The following SEMA3A variants were observed in gnomAD, a reference collection of about 807,000 sequenced individuals.
SEMA3A encodes semaphorin 3A.
In SEMA3A, 29 loss-of-function variants were observed where a neutral mutation model predicts 97.9. That is an observed-to-expected ratio of 0.30 (90% CI 0.22 to 0.40). SEMA3A has a LOEUF of 0.40. SEMA3A is among the 10% of genes least tolerant of loss of function. SEMA3A has a pLI of 1.00. For synonymous variants in SEMA3A, 321 were observed against 323.7 expected (o/e 0.99, Z 0.09); for missense variants, 763 against 951.3 (o/e 0.80, Z 2.60).
In SEMA3A at chr7:84,046,390, T is replaced by G. The variant is rs1312971142; in HGVS notation, c.601A>C (p.Ile201Leu). The G allele has an allele frequency of 1.9e-6, 3 of 1,613,256 alleles. No homozygotes were observed. In the East Asian group the frequency reaches 6.7e-5, roughly 36 times the overall value. ...TGGTGGTGCCCAAGAGTTCGGAAGA[T>G]AGCAAAGTCTCGCCCCATAAAATCA... ...AADFMGRDFA[I>L]FRTLGHHHPI... The change falls in exon 6 of 17, where the codon ATC becomes CTC. Residue 201 changes from isoleucine (I) to leucine (L), a missense_variant. Physicochemically the swap from Ile to Leu is conservative, Grantham distance 5 (BLOSUM62 2). Transcript: ENST00000265362.
intron 3 of SEMA3A, among the ~76,000 whole-genome samples, chr7:84,213,121 G>A (rs990842545): frequency 1.1e-4 from 16 of 152,136 alleles, no homozygotes; most frequent in Admixed American, 4.6e-4. Context: ...GGGATTACAG[G>A]CATGTGCCAC....
intron 1 of SEMA3A, among the ~76,000 whole-genome samples, chr7:84,146,294 T>C (rs1796461097): frequency 1.3e-5 from 2 of 152,112 alleles, no homozygotes; most frequent in Admixed American, 1.3e-4. Context: ...TCTAGAGGGA[T>C]CTTTAGACTG....
chr7:84,184,213 C>A (rs1313135990), intron 1 of SEMA3A, among the ~76,000 whole-genome samples: 3 of 152,054 alleles, frequency 2.0e-5, no homozygotes, highest in Non-Finnish European at 2.9e-5. Flanking sequence ...CATTTAGTCT[C>A]ATTTTGTTAT....
At chr7:84,139,487 G>C (rs892869734) in intron 1 of SEMA3A, among the ~76,000 whole-genome samples, 2 of 152,018 alleles carry the variant, frequency 1.3e-5, no homozygotes, top group African/African-American at 4.8e-5. Context: ...ATTCACCAAA[G>C]GATTTAGTGT....
Position 84,379,225 on chromosome 7 carries a change from C to A in SEMA3A, c.-245-7325G>T, listed in dbSNP as rs144371334. Among the ~76,000 whole-genome samples, 389 of 152,186 alleles carry A rather than the reference C, an allele frequency of 2.6e-3. 3 individuals are homozygous for A. The highest frequency in any genetic ancestry group is 0.024 in the Middle Eastern group (7 of 294). On this transcript the variant is annotated intron_variant, in intron 1 of 3. Coordinates refer to the SEMA3A transcript ENST00000424555. ...TACAGGTGTGAGCCACCGTGCCCAG[C>A]CGTGACAATATTTTTAATTATTTAT...
intron 4 of SEMA3A, among the ~76,000 whole-genome samples, chr7:84,077,892 C>T (rs1045125793): frequency 6.6e-6 from 1 of 151,792 alleles, no homozygotes. Flanking sequence ...ATTTAAAATA[C>T]TGAAAAATTT....
chr7:84,038,233 T>C (rs1266628729), intron 6 of SEMA3A, among the ~76,000 whole-genome samples: 1 of 151,876 alleles, frequency 6.6e-6, no homozygotes, highest in Non-Finnish European at 1.5e-5. Flanking sequence ...TAGATCACTA[T>C]CACTTCATCT....
intron 3 of SEMA3A, among the ~76,000 whole-genome samples, chr7:84,274,115 A>G (rs1362940013): frequency 6.6e-6 from 1 of 152,084 alleles, no homozygotes; most frequent in Non-Finnish European, 1.5e-5. Flanking sequence ...CCCATTTTTA[A>G]CCATTTAAAA....
intron 1 of SEMA3A, among the ~76,000 whole-genome samples, chr7:84,452,916 T>A (rs1488867844): frequency 6.8e-6 from 1 of 146,562 alleles, no homozygotes; most frequent in Non-Finnish European, 1.5e-5. Context: ...AAGGGCCTTT[T>A]TTGGGGGGGA....
chr7:84,296,219 A>C (rs1800867443), intron 3 of SEMA3A, among the ~76,000 whole-genome samples: 1 of 152,134 alleles, frequency 6.6e-6, no homozygotes, highest in African/African-American at 2.4e-5. Context: ...TATTTAGCTA[A>C]GATATGAAGG....
intron 1 of SEMA3A, among the ~76,000 whole-genome samples, chr7:84,425,458 T>G (rs1359365362): frequency 7.2e-6 from 1 of 139,402 alleles, no homozygotes; most frequent in South Asian, 2.1e-4. Flanking sequence ...TATATGCATA[T>G]AAATATATAC....
intron 3 of SEMA3A, among the ~76,000 whole-genome samples, chr7:84,257,660 T>G (rs1799748994): frequency 1.3e-5 from 2 of 152,146 alleles, no homozygotes; most frequent in Non-Finnish European, 2.9e-5. Flanking sequence ...TGTGATTTTC[T>G]CTCATCTGAT....
intron 14 of SEMA3A, among the ~76,000 whole-genome samples, chr7:83,978,183 T>A (rs1789245383): frequency 6.6e-6 from 1 of 152,052 alleles, no homozygotes; most frequent in African/African-American, 2.4e-5. Flanking sequence ...GTGAAGTGAA[T>A]AAAAGCAACA....
intron 2 of SEMA3A, among the ~76,000 whole-genome samples, chr7:84,337,858 G>A (rs575104176): frequency 2.6e-5 from 4 of 152,112 alleles, no homozygotes; most frequent in South Asian, 2.1e-4. Flanking sequence ...ATACATAATT[G>A]CCTTGCAAGA....
chr7:84,024,022 A>G (rs1388146383), intron 6 of SEMA3A, among the ~76,000 whole-genome samples: 1 of 151,960 alleles, frequency 6.6e-6, no homozygotes, highest in Non-Finnish European at 1.5e-5. Context: ...AAAAAAAAAA[A>G]AAAAAAAATT....
intron 11 of SEMA3A, among the ~76,000 whole-genome samples, chr7:84,003,900 G>C (rs561326596): frequency 6.6e-6 from 1 of 151,944 alleles, no homozygotes; most frequent in Admixed American, 6.6e-5. Context: ...TCTTTTATTT[G>C]GTAGAGAAAC....
intron 11 of SEMA3A, among the ~76,000 whole-genome samples, chr7:84,005,021 A>G (rs1048330035): frequency 6.6e-6 from 1 of 152,132 alleles, no homozygotes; most frequent in Admixed American, 6.6e-5. Flanking sequence ...CACTTAATGA[A>G]CATTAAATAT....
At chr7:84,305,455 A>C (rs1046261557) in intron 3 of SEMA3A, among the ~76,000 whole-genome samples, 4 of 151,714 alleles carry the variant, frequency 2.6e-5, no homozygotes, top group Admixed American at 2.0e-4. Context: ...TATTTGCTAA[A>C]TATTTTGAGT....
chr7:84,095,139 G>A (rs998208250), intron 4 of SEMA3A, among the ~76,000 whole-genome samples: 2 of 145,660 alleles, frequency 1.4e-5, no homozygotes, highest in Admixed American at 1.4e-4. Context: ...TATATATATT[G>A]CATATTATAT....
Sources: allele counts gnomAD v4.1 joint callset (sites outside exome capture counted in the v4.1 genomes callset), GRCh38; gene constraint gnomAD v4.1.1; transcripts MANE v1.5; gene names NCBI Gene and HGNC (gene_info 2026-07-23, HGNC 2026-07-21).